Variants in CA5A observed in about 807,000 individuals in gnomAD.
CA5A encodes carbonic anhydrase 5A, mitochondrial.
A neutral mutation model predicts 37.1 loss-of-function variants in CA5A; 28 were observed. The ratio of observed to expected loss-of-function variants is 0.75; its 90% CI spans 0.56 to 1.03. The LOEUF (loss-of-function observed/expected upper bound fraction) is 1.03. Ranked by LOEUF, CA5A falls within the 50% of genes least tolerant of loss-of-function variation. CA5A has a pLI of 0.00. For missense variants in CA5A, 444 were observed against 399.9 expected, an observed-to-expected ratio of 1.11 and a Z score of -0.94; for synonymous variants, 171 against 158.4, an observed-to-expected ratio of 1.08 and a Z score of -0.60.
In CA5A at chr16:87,899,919, C is replaced by CAAA. The variant is rs565557401; in HGVS notation, c.618+1990_618+1992dup. On this transcript the variant is annotated intron_variant, in intron 5 of 6. Coordinates refer to ENST00000649794, the MANE Select transcript of CA5A (RefSeq NM_001739.2). ...TGGGCAACAGAGCGAGATTTTATCT[C>CAAA]AAAAAAAAAAAAAAAAAAAAAAAAA... 7.4e-3 allele frequency among the ~76,000 whole-genome samples: 346 copies of CAAA among 46,564 alleles called. 4 individuals are homozygous for CAAA. The highest frequency in any genetic ancestry group is 0.017 in the Middle Eastern group (1 of 60). 30.5% of individuals were successfully genotyped at this position (46,564 alleles called of 152,430 possible).
intron 5 of CA5A, among the ~76,000 whole-genome samples, chr16:87,894,954 A>C (rs1352890661): frequency 6.6e-6 from 1 of 152,162 alleles, no homozygotes; most frequent in Admixed American, 6.5e-5. Flanking sequence ...TCTCCCATCT[A>C]AAGTGTACAG....
intron 2 of CA5A, among the ~76,000 whole-genome samples, chr16:87,905,547 C>T (rs1289481262): frequency 2.0e-5 from 3 of 152,066 alleles, no homozygotes; most frequent in Non-Finnish European, 2.9e-5. Context: ...TAAGTAGAGA[C>T]GGGGTTTCAC....
intron 2 of CA5A, among the ~76,000 whole-genome samples, chr16:87,924,783 CGTCCCGCTTGTTG>C (rs886306385): frequency 7.4e-4 from 112 of 152,342 alleles, no homozygotes; most frequent in Middle Eastern, 3.4e-3. Context: ...GTGGGGGCAG[CGTCCCGCTTGTTG>C]GTCCCGCTTG....
chr16:87,917,285 T>C (rs2056159527), intron 2 of CA5A, among the ~76,000 whole-genome samples: 1 of 152,110 alleles, frequency 6.6e-6, no homozygotes, highest in Admixed American at 6.5e-5. Context: ...CAGAGCCTCT[T>C]CCTCAGTCCC....
chr16:87,888,459 G>A (rs1030866771), intron 6 of CA5A, among the ~76,000 whole-genome samples, 187 bp from the exon 7 acceptor site: 16 of 152,208 alleles, frequency 1.1e-4, no homozygotes, highest in African/African-American at 3.9e-4. Flanking sequence ...CTTCCGCCTT[G>A]GTCTTTAGGA....
chr16:87,902,545 T>C (rs780435378), intron 3 of CA5A, 25 bp from the exon 4 acceptor site: 2 of 1,194,650 alleles, frequency 1.7e-6, no homozygotes, highest in East Asian at 2.3e-5. Flanking sequence ...AAAGAGAACT[T>C]AAATTGATCA....
chr16:87,919,117 G>A lies in CA5A; in HGVS notation c.340+7631C>T, dbSNP rs115327214. On this transcript the variant is annotated intron_variant, in intron 2 of 6. Coordinates refer to ENST00000649794, the MANE Select transcript of CA5A (RefSeq NM_001739.2). ...AGATCCTTTAAGCAGATGTGAAGCC[G>A]GTGGGGAAGCCAAAAGTGGGGTCGG... Among the ~76,000 whole-genome samples, 702 of 152,320 alleles carry A rather than the reference G, an allele frequency of 4.6e-3. 5 individuals carry two copies. Among genetic ancestry groups the A allele is most frequent in the African/African-American group, 0.016 (654 of 41,580 alleles).
At chr16:87,934,528 C>T (rs1417824122) in intron 1 of CA5A, among the ~76,000 whole-genome samples, 1 of 152,030 alleles carries the variant, frequency 6.6e-6, no homozygotes, top group Non-Finnish European at 1.5e-5. Context: ...GAGATCGCAC[C>T]ACTGCGCTCC....
intron 1 of CA5A, among the ~76,000 whole-genome samples, chr16:87,928,756 CTTTGTTTTTTTTTTTTT>C: frequency 9.2e-6 from 1 of 108,136 alleles, no homozygotes; most frequent in African/African-American, 3.5e-5. Flanking sequence ...ATTTTCTTTT[CTTTGTTTTTTTTTTTTT>C]TTTTTTTTTT....
intron 5 of CA5A, among the ~76,000 whole-genome samples, chr16:87,896,463 C>A: frequency 6.6e-6 from 1 of 152,242 alleles, no homozygotes; most frequent in East Asian, 1.9e-4. Flanking sequence ...AAATCAGGGC[C>A]CTTCCTTTAT....
intron 2 of CA5A, among the ~76,000 whole-genome samples, chr16:87,924,708 C>T (rs1234264148): frequency 6.6e-6 from 1 of 152,228 alleles, no homozygotes; most frequent in African/African-American, 2.4e-5. Context: ...CCCCGGTGAG[C>T]ATGTTTAGTG....
At chr16:87,896,135 G>T (rs1187379516) in intron 5 of CA5A, among the ~76,000 whole-genome samples, 1 of 152,204 alleles carries the variant, frequency 6.6e-6, no homozygotes, top group African/African-American at 2.4e-5. Context: ...GTTTACTGAT[G>T]AAGATAGACA....
rs1305665718 is a variant in CA5A, at chr16:87,906,940, G to A, written c.341-2036C>T. ...CACATAAAATCACTTTGTTAGGCCA[G>A]GCACAGTGGCTCACGCCTGTAATCC... On this transcript the variant is annotated intron_variant, in intron 2 of 6. Transcript: ENST00000649794. 3.3e-5 allele frequency among the ~76,000 whole-genome samples: 5 copies of A among 152,134 alleles called. No individual in the cohort carries two copies. In the East Asian group the frequency reaches 9.7e-4, roughly 29 times the overall value.
chr16:87,917,542 G>C (rs562842132), intron 2 of CA5A, among the ~76,000 whole-genome samples: 27 of 152,330 alleles, frequency 1.8e-4, no homozygotes, highest in African/African-American at 6.5e-4. Context: ...CCAGGCCTGA[G>C]GGAAGAAACA....
At chr16:87,900,514 C>T (rs1454951568) in intron 5 of CA5A, among the ~76,000 whole-genome samples, 1 of 152,250 alleles carries the variant, frequency 6.6e-6, no homozygotes, top group African/African-American at 2.4e-5. Flanking sequence ...TCCGTCCGCA[C>T]ATGTGAGGCT....
At chr16:87,892,459 G>A (rs1156827496) in intron 5 of CA5A, among the ~76,000 whole-genome samples, 9 of 148,794 alleles carry the variant, frequency 6.0e-5, no homozygotes, top group Admixed American at 1.4e-4. Context: ...GCAGTGAGCC[G>A]AGATCATGCC....
At chr16:87,886,035 G>A (rs964597446), downstream of CA5A, 2 of 151,948 alleles carry the variant, frequency 1.3e-5, no homozygotes, top group African/African-American at 2.4e-5. Flanking sequence ...ATCCTGGCAC[G>A]AGTGGTAGCT....
intron 5 of CA5A, among the ~76,000 whole-genome samples, chr16:87,897,107 G>A (rs1385971104): frequency 1.3e-5 from 2 of 152,220 alleles, no homozygotes; most frequent in Non-Finnish European, 2.9e-5. Flanking sequence ...CCACGTGGGC[G>A]TGGGGCTCAG....
chr16:87,911,941 G>A lies in CA5A; in HGVS notation c.341-7037C>T, dbSNP rs1439563989. ...GTACCTCCCTCACAGTCCCTGGCAC[G>A]CAGTGAGAGCTCAAATAATGGTAGC... On this transcript the variant is annotated intron_variant, in intron 2 of 6. Coordinates refer to ENST00000649794, the MANE Select transcript of CA5A (RefSeq NM_001739.2). The surrounding 1 kb of genome is among the most constrained non-coding windows in gnomAD (Gnocchi z 4.6). 1.3e-5 allele frequency among the ~76,000 whole-genome samples: 2 copies of A among 152,188 alleles called. No individual in the cohort carries two copies. The highest frequency in any genetic ancestry group is 2.1e-4 in the South Asian group (1 of 4,834).
Sources: allele counts gnomAD v4.1 joint callset (sites outside exome capture counted in the v4.1 genomes callset), GRCh38; gene constraint gnomAD v4.1.1; non-coding constraint Gnocchi (gnomAD v3.1); transcripts MANE v1.5; gene names NCBI Gene and HGNC (gene_info 2026-07-23, HGNC 2026-07-21).